Variants in UHRF2 observed in about 807,000 individuals in gnomAD.
UHRF2 encodes ubiquitin like with PHD and ring finger domains 2.
A neutral mutation model predicts 96.8 loss-of-function variants in UHRF2; 23 were observed. The ratio of observed to expected loss-of-function variants is 0.24; its 90% confidence interval spans 0.17 to 0.34. The LOEUF is 0.34. Ranked by LOEUF, UHRF2 falls within the 10% of genes least tolerant of loss-of-function variation. The pLI is 1.00. For missense variants in UHRF2, 685 were observed against 981.5 expected (o/e 0.70, Z 4.04); for synonymous variants, 385 against 332.6 (o/e 1.16, Z -1.72).
chr9:6,442,162 A>G (rs1346643246), intron 3 of UHRF2, among the ~76,000 whole-genome samples: 2 of 152,094 alleles, frequency 1.3e-5, no homozygotes, highest in Non-Finnish European at 2.9e-5. Flanking sequence ...ACAAGGTTTC[A>G]CCATGTTGTC....
chr9:6,488,415 G>A (rs149060698), intron 9 of UHRF2, among the ~76,000 whole-genome samples: 2 of 151,114 alleles, frequency 1.3e-5, no homozygotes, highest in African/African-American at 4.8e-5. Context: ...ATACAGTCAG[G>A]CTGAACATTT....
At chr9:6,473,611 G>T (rs1823381389) in intron 4 of UHRF2, among the ~76,000 whole-genome samples, 1 of 152,144 alleles carries the variant, frequency 6.6e-6, no homozygotes, top group African/African-American at 2.4e-5. Context: ...CCAAGAAAAT[G>T]AACCTAAATC....
At chr9:6,416,412 G>C (rs184021116) in intron 1 of UHRF2, among the ~76,000 whole-genome samples, 1 of 151,960 alleles carries the variant, frequency 6.6e-6, no homozygotes, top group Non-Finnish European at 1.5e-5. Context: ...GCAATTCAGG[G>C]CTATAAGTTT....
intron 2 of UHRF2, among the ~76,000 whole-genome samples, chr9:6,422,360 C>G (rs1819977281): frequency 6.6e-6 from 1 of 151,730 alleles, no homozygotes; most frequent in Admixed American, 6.6e-5. Context: ...GATTACAGTT[C>G]TGAGTACTGT....
chr9:6,487,289 A>G (rs1489082833), intron 9 of UHRF2, among the ~76,000 whole-genome samples: 1 of 145,030 alleles, frequency 6.9e-6, no homozygotes, highest in Non-Finnish European at 1.5e-5. Flanking sequence ...TTTGGGTTCA[A>G]GTGATTTTCC....
intron 10 of UHRF2, 181 bp downstream of exon 10, chr9:6,494,113 A>AT: frequency 1.9e-6 from 1 of 528,094 alleles, no homozygotes. Context: ...TTATACTGTT[A>AT]TTTTTTAAAT....
chr9:6,501,219 G>A (rs936064510), intron 14 of UHRF2, among the ~76,000 whole-genome samples: 2 of 152,126 alleles, frequency 1.3e-5, no homozygotes, highest in Admixed American at 6.5e-5. Flanking sequence ...GTTAATTAAT[G>A]TGTGGGCTTT....
At chr9:6,433,782 T>C (rs917096634) in intron 2 of UHRF2, 132 bp from the exon 3 acceptor site, 6 of 863,934 alleles carry the variant, frequency 6.9e-6, no homozygotes, top group Admixed American at 5.8e-5. Flanking sequence ...TCTAATCTTA[T>C]TAACCACTTT....
At position 6,423,255 on chromosome 9, in the gene UHRF2, A is replaced by G. The variant is rs187627780; in HGVS notation, c.384+2113A>G. Among the ~76,000 whole-genome samples the G allele has an allele frequency of 1.6e-3, 237 of 152,318 alleles. 2 individuals carry two copies. Among genetic ancestry groups the G allele is most frequent in the Admixed American group, 0.015 (228 of 15,290 alleles). ...TGGATGGCTGAATTGTTTTAAACCT[A>G]TGAGGAGTAGATCATTATAATGTTA... On this transcript the variant is annotated intron_variant, in intron 2 of 15. Coordinates refer to ENST00000276893, the MANE Select transcript of UHRF2 (RefSeq NM_152896.3).
intron 4 of UHRF2, 74 bp from the exon 5 acceptor site, chr9:6,475,317 T>G: frequency 1.2e-6 from 1 of 816,530 alleles, no homozygotes; most frequent in Non-Finnish European, 1.8e-6. Context: ...GATTCCAAAC[T>G]GGCTTTTAAT....
chr9:6,430,191 G>A (rs1820489746), intron 2 of UHRF2, among the ~76,000 whole-genome samples: 1 of 152,058 alleles, frequency 6.6e-6, no homozygotes, highest in Admixed American at 6.6e-5. Flanking sequence ...TGTACTTTTA[G>A]TAGAGACAGG....
intron 3 of UHRF2, among the ~76,000 whole-genome samples, chr9:6,441,735 G>T (rs529597071): frequency 6.8e-5 from 10 of 147,178 alleles, no homozygotes; most frequent in Admixed American, 1.4e-4. Context: ...TTTGTGGCCG[G>T]TTTTTTTTTT....
chr9:6,439,607 G>A (rs768486977), intron 3 of UHRF2, among the ~76,000 whole-genome samples: 10 of 152,110 alleles, frequency 6.6e-5, no homozygotes, highest in Admixed American at 3.9e-4. Flanking sequence ...TTTCTGGATT[G>A]CTGTTCTATG....
chr9:6,459,011 G>A (rs1207900014), intron 3 of UHRF2, among the ~76,000 whole-genome samples: 1 of 152,042 alleles, frequency 6.6e-6, no homozygotes, highest in African/African-American at 2.4e-5. Context: ...AGTGGAAGTT[G>A]AACAATGAGA....
chr9:6,505,780 C>T lies in UHRF2; in HGVS notation c.2263-253C>T, dbSNP rs953608385. Among the ~76,000 whole-genome samples, 5 of 152,290 alleles carry T rather than the reference C, an allele frequency of 3.3e-5. No individual in the cohort carries two copies. In the South Asian group the frequency reaches 1.0e-3, roughly 32 times the overall value. On this transcript the variant is annotated intron_variant, in intron 15 of 15. Coordinates refer to ENST00000276893, the MANE Select transcript of UHRF2 (RefSeq NM_152896.3). ...CAACCATATGTAATCTCTAACTCCA[C>T]CATTTTAGTAGATGAGGAAACTGAT...
chr9:6,424,078 T>C (rs1820097684), intron 2 of UHRF2, among the ~76,000 whole-genome samples: 1 of 152,176 alleles, frequency 6.6e-6, no homozygotes, highest in South Asian at 2.1e-4. Context: ...CATGCTTCCT[T>C]ATTTGACATC....
rs138126510 is a variant in UHRF2 at position 6,460,648 on chromosome 9, T to C, written c.720T>C (p.Asn240=). 131 of 1,613,478 alleles carry C rather than the reference T, an allele frequency of 8.1e-5. 1 individual carries two copies. The highest frequency in any genetic ancestry group is 3.3e-5 in the Admixed American group (2 of 60,006). ...GAGCTAGAACCATTTTGAAATGGAA[T>C]GAACTAAATGTTGGTGATGTGGTAA... ...RPRARTILKW[N]ELNVGDVVMV... The change falls in exon 4 of 16, where the codon AAT becomes AAC. Residue 240 remains asparagine (N), a synonymous_variant. Transcript: ENST00000276893.
intron 3 of UHRF2, among the ~76,000 whole-genome samples, chr9:6,435,287 C>A (rs760932648): frequency 9.9e-5 from 15 of 152,018 alleles, no homozygotes; most frequent in Non-Finnish European, 5.9e-5. Flanking sequence ...AGCCACCACA[C>A]CTGGCCGGCT....
chr9:6,475,487 T>A lies in UHRF2; in HGVS notation c.960T>A (p.Asp320Glu). ...GAGCCCATCCCCTTTCATTTGCAGA[T>A]GGAAAGTTTTTAAGTATGGATTTTT... is the stretch of plus-strand genomic sequence containing the variant. Reference protein sequence around the residue: ...RPGAHPLSFADGKFLRRNDPE... With the variant: ...RPGAHPLSFAEGKFLRRNDPE... The change falls in exon 5 of 16, where the codon GAT (aspartate) becomes GAA (glutamate). Residue 320 changes from aspartate (D) to glutamate (E), a missense_variant. Around this residue, in one of 6 missense-constraint regions of UHRF2, gnomAD observed 391 missense variants for 437.0 expected, o/e 0.89. Coordinates refer to ENST00000276893, the MANE Select transcript of UHRF2 (RefSeq NM_152896.3). The A allele has an allele frequency of 3.1e-6, 5 of 1,587,322 alleles. No homozygotes were observed. Among genetic ancestry groups the A allele is most frequent in the East Asian group, 2.3e-5 (1 of 44,012 alleles).
Sources: gnomAD v4.1 joint callset for allele counts (sites outside exome capture counted in the v4.1 genomes callset) on GRCh38, gnomAD v4.1.1 for gene constraint, gnomAD v4.1.1 regional missense constraint, MANE v1.5 for transcripts, NCBI Gene and HGNC (gene_info 2026-07-23, HGNC 2026-07-21) for gene names.